The following CASZ1 variants were observed in gnomAD, a reference collection of about 807,000 sequenced individuals.
The protein encoded by CASZ1 is castor zinc finger 1.
A neutral mutation model predicts 135.2 loss-of-function variants in CASZ1; 28 were observed. The ratio of observed to expected loss-of-function variants is 0.21; its 90% confidence interval spans 0.15 to 0.28. CASZ1 has a LOEUF of 0.28. Ranked by LOEUF, CASZ1 falls within the 10% of genes least tolerant of loss-of-function variation. CASZ1 has a pLI of 1.00. For missense variants in CASZ1, 2,161 were observed against 2,453.3 expected, an observed-to-expected ratio of 0.88 and a Z score of 2.52; for synonymous variants, 1,068 against 1,073.4, an observed-to-expected ratio of 0.99 and a Z score of 0.10.
At chr1:10,649,030 C>T (rs763505963) in intron 15 of CASZ1, 40 bp downstream of exon 15, 24 of 1,602,660 alleles carry the variant, frequency 1.5e-5, no homozygotes, top group African/African-American at 1.1e-4. Context: ...GGCTGGGATC[C>T]GTGGGGCTCT....
chr1:10,793,224 T>C (rs1640995508), intron 1 of CASZ1, among the ~76,000 whole-genome samples: 1 of 151,014 alleles, frequency 6.6e-6, no homozygotes, highest in Non-Finnish European at 1.5e-5. Flanking sequence ...CTTGAAAGAA[T>C]TTTGCTCTTA....
At chr1:10,742,867 C>A (rs949184868) in intron 2 of CASZ1, among the ~76,000 whole-genome samples, 4 of 152,112 alleles carry the variant, frequency 2.6e-5, no homozygotes, top group Non-Finnish European at 5.9e-5. Context: ...CGCCTGTAAT[C>A]CCAGTTACTC....
At chr1:10,658,251 C>G (rs1019181852) in intron 7 of CASZ1, 7 of 487,834 alleles carry the variant, frequency 1.4e-5, no homozygotes, top group Non-Finnish European at 2.2e-5. Flanking sequence ...CCAGGCCCTG[C>G]GTCGGGACCC....
In CASZ1 at chr1:10,735,304, G is replaced by A. The variant is rs1408574069; in HGVS notation, c.-77+25397C>T. Among the ~76,000 whole-genome samples the A allele has an allele frequency of 6.6e-6, 1 of 152,178 alleles. No homozygotes were observed. The highest frequency in any genetic ancestry group is 2.4e-5 in the African/African-American group (1 of 41,430). ...ATAAATTATAGGGGTTGATTAGACC[G>A]GGGCTCTGGGAGAGGGAAAGGTTGA... On this transcript the variant is annotated intron_variant, in intron 2 of 20. Transcript: ENST00000377022. This position sits in a 1 kb window ranked among gnomAD's most constrained non-coding sequence, Gnocchi z 5.1.
chr1:10,777,601 AAC>A lies in CASZ1; in HGVS notation c.-233-16746_-233-16745del, dbSNP rs2100605236. Among the ~76,000 whole-genome samples, 1 of 152,068 alleles carries A rather than the reference AAC, an allele frequency of 6.6e-6. No individual in the cohort carries two copies. The highest frequency in any genetic ancestry group is 1.5e-5 in the Non-Finnish European group (1 of 67,944). On this transcript the variant is annotated intron_variant, in intron 1 of 20. Coordinates refer to ENST00000377022, the MANE Select transcript of CASZ1 (RefSeq NM_001079843.3). This position sits in a 1 kb window ranked among gnomAD's most constrained non-coding sequence, Gnocchi z 4.4. ...GAGGGGGAAAGAAGCGACACACAAAAACACAACCACACACACAAACACAATCT... is the reference window on the plus strand; with the variant it reads ...GAGGGGGAAAGAAGCGACACACAAAAACAACCACACACACAAACACAATCT...
chr1:10,655,284 ACT>A (rs1394800037), intron 9 of CASZ1, among the ~76,000 whole-genome samples: 1 of 152,026 alleles, frequency 6.6e-6, no homozygotes, highest in African/African-American at 2.4e-5. Flanking sequence ...AAAAGCCCAG[ACT>A]CTGCGTGGCA....
At chr1:10,681,200 CTTT>C (rs58517587) in intron 4 of CASZ1, among the ~76,000 whole-genome samples, 1 of 146,518 alleles carries the variant, frequency 6.8e-6, no homozygotes, top group Admixed American at 6.8e-5. Flanking sequence ...CGTGCCTGAC[CTTT>C]TTTTTTTTTT....
chr1:10,647,547 C>G lies in CASZ1; in HGVS notation c.3497+254G>C. ...ACCCCACCTGGCCCTGGCAGGATCACCACATGCCCTGCAGGAGCAGTAGCC... is the reference window on the plus strand; with the variant it reads ...ACCCCACCTGGCCCTGGCAGGATCAGCACATGCCCTGCAGGAGCAGTAGCC... On this transcript the variant is annotated intron_variant, in intron 16 of 20. Transcript: ENST00000377022. The surrounding 1 kb of genome is among the most constrained non-coding windows in gnomAD (Gnocchi z 4.9). 1 of 1,385,672 alleles carries G rather than the reference C, an allele frequency of 7.2e-7. No individual in the cohort carries two copies. The highest frequency in any genetic ancestry group is 9.4e-7 in the Non-Finnish European group (1 of 1,068,214). The allele number at this position is 1,385,672 out of a possible 1,614,324, so 85.8% of individuals were successfully genotyped here.
chr1:10,652,954 T>A (rs1642643880), intron 11 of CASZ1: 1 of 251,028 alleles, frequency 4.0e-6, no homozygotes, highest in South Asian at 4.1e-5. Flanking sequence ...GCAGCCCCAC[T>A]ACCGCTGGGC....
intron 1 of CASZ1, among the ~76,000 whole-genome samples, chr1:10,793,170 A>T (rs1640994342): frequency 6.7e-6 from 1 of 149,728 alleles, no homozygotes; most frequent in Non-Finnish European, 1.5e-5. Context: ...TGACTTTCTT[A>T]TTTTTTTAAA....
Position 10,647,355 on chromosome 1 carries a change from C to T in CASZ1, c.3497+446G>A. 9.5e-7 allele frequency: 1 copy of T among 1,049,734 alleles called. No homozygotes were observed. Among genetic ancestry groups the T allele is most frequent in the Non-Finnish European group, 1.2e-6 (1 of 869,316 alleles). 65.0% of individuals were successfully genotyped at this position (1,049,734 alleles called of 1,614,324 possible). A position where few individuals can be genotyped will look rare whatever the true frequency, so the allele number is the denominator to read the frequency against. ...CAAGAGCTCAGACCACTGTGCAGGCCAGTGACGGCCTGGAGGGGCCTGGCC... is the reference window on the plus strand; with the variant it reads ...CAAGAGCTCAGACCACTGTGCAGGCTAGTGACGGCCTGGAGGGGCCTGGCC... On this transcript the variant is annotated intron_variant, in intron 16 of 20. Transcript: ENST00000377022. The surrounding 1 kb of genome is among the most constrained non-coding windows in gnomAD (Gnocchi z 4.9).
At chr1:10,730,499 C>G (rs1247644202) in intron 2 of CASZ1, among the ~76,000 whole-genome samples, 1 of 152,226 alleles carries the variant, frequency 6.6e-6, no homozygotes, top group Non-Finnish European at 1.5e-5. Flanking sequence ...ACCCGTGTGA[C>G]TGAGCTGAGA....
intron 4 of CASZ1, among the ~76,000 whole-genome samples, chr1:10,692,718 C>T (rs1638807663): frequency 6.6e-6 from 1 of 152,206 alleles, no homozygotes; most frequent in African/African-American, 2.4e-5. Flanking sequence ...CCATCCTCAT[C>T]CCCTCAGGGC....
chr1:10,665,672 C>A, intron 4 of CASZ1, 101 bp from the exon 5 acceptor site: 2 of 1,333,244 alleles, frequency 1.5e-6, no homozygotes, highest in Non-Finnish European at 2.0e-6. Flanking sequence ...AGGCCTCCCC[C>A]ATTGACCACA....
chr1:10,695,006 C>T (rs1273655954), intron 3 of CASZ1, among the ~76,000 whole-genome samples: 2 of 148,546 alleles, frequency 1.3e-5, no homozygotes, highest in East Asian at 2.0e-4. Flanking sequence ...AACTTTTCCG[C>T]GAGGGCGGGC....
rs377163021 is a variant in CASZ1, at chr1:10,708,467, AAAAC to A, written c.-76-2927_-76-2924del. On this transcript the variant is annotated intron_variant, in intron 2 of 20. Coordinates refer to ENST00000377022, the MANE Select transcript of CASZ1 (RefSeq NM_001079843.3). ...AAGGGATGTGAGGAGGAGGAAAAGA[AAAAC>A]AAAAGTACAGAGAAAAGTTGGCAAA... 3.8e-3 allele frequency among the ~76,000 whole-genome samples: 573 copies of A among 152,370 alleles called. 1 individual carries two copies. The highest frequency in any genetic ancestry group is 5.9e-3 in the Non-Finnish European group (403 of 68,044).
At chr1:10,791,717 T>TA (rs1557574710) in intron 1 of CASZ1, among the ~76,000 whole-genome samples, 1 of 142,476 alleles carries the variant, frequency 7.0e-6, no homozygotes, top group South Asian at 2.4e-4. Flanking sequence ...GTCACTGGGC[T>TA]AAAAAAAGAG....
chr1:10,754,967 CG>C (rs1272765132), intron 2 of CASZ1, among the ~76,000 whole-genome samples: 4 of 152,222 alleles, frequency 2.6e-5, no homozygotes, highest in South Asian at 2.1e-4. Flanking sequence ...CCGTTGGCCA[CG>C]GGGGTCCCAA....
Position 10,655,633 on chromosome 1 carries a change from C to T in CASZ1, c.1665+16G>A, listed in dbSNP as rs778080379. ...CAGTCCTGCAGCTGCCCAGTGGGCC[C>T]GGGTGCGGGAGGCACCTGCATGCAG... On this transcript the variant is annotated intron_variant, in intron 9 of 20. Transcript: ENST00000377022. 15 of 1,603,874 alleles carry T rather than the reference C, an allele frequency of 9.4e-6. No individual in the cohort carries two copies. The highest frequency in any genetic ancestry group is 6.8e-5 in the Admixed American group (4 of 59,088).
Sources: allele counts gnomAD v4.1 joint callset (sites outside exome capture counted in the v4.1 genomes callset), GRCh38; gene constraint gnomAD v4.1.1; non-coding constraint Gnocchi (gnomAD v3.1); transcripts MANE v1.5; gene names NCBI Gene and HGNC (gene_info 2026-07-23, HGNC 2026-07-21).